Variants in METTL24 observed in about 807,000 individuals in gnomAD.
The protein encoded by METTL24 is methyltransferase like 24.
A neutral mutation model predicts 32.7 loss-of-function variants in METTL24; 29 were observed. The observed-to-expected ratio is 0.89, with a 90% confidence interval of 0.66 to 1.21. METTL24 has a LOEUF of 1.21. Ranked by LOEUF, METTL24 falls within the 50% of genes most tolerant of loss-of-function variation. The pLI, the probability that METTL24 is intolerant of heterozygous loss-of-function variation, is 0.00. For synonymous variants in METTL24, 163 were observed against 179.5 expected (o/e 0.91, Z 0.73); for missense variants, 439 against 468.1 (o/e 0.94, Z 0.57).
intron 4 of METTL24, among the ~76,000 whole-genome samples, chr6:110,249,986 G>A (rs1167006792): frequency 2.0e-5 from 3 of 151,882 alleles, no homozygotes; most frequent in East Asian, 3.9e-4. Context: ...GAAGAAATGA[G>A]AATTTTCATT....
chr6:110,351,134 G>C (rs956816624), intron 1 of METTL24, among the ~76,000 whole-genome samples: 1 of 152,098 alleles, frequency 6.6e-6, no homozygotes, highest in Non-Finnish European at 1.5e-5. Context: ...TTGGGAGGTC[G>C]AGGCTGCAGT....
At position 110,357,998 on chromosome 6, in the gene METTL24, G is replaced by A. The variant is rs555527864; in HGVS notation, c.275C>T (p.Pro92Leu). 7.7e-6 allele frequency: 9 copies of A among 1,171,354 alleles called. No homozygotes were observed. Among genetic ancestry groups the A allele is most frequent in the Middle Eastern group, 6.3e-4 (2 of 3,150 alleles). The allele number at this position is 1,171,354 out of a possible 1,614,324, so 72.6% of individuals were successfully genotyped here. Residue 92 changes from proline to leucine, a missense_variant, in exon 1 of 5, where the codon CCG (proline) becomes CTG (leucine). By Grantham distance (98) the Pro-to-Leu change is moderately conservative. Coordinates refer to ENST00000338882, the MANE Select transcript of METTL24 (RefSeq NM_001123364.3). ...APPGGGGSGT[P>L]EPGCCAPRGR... is the part of the protein sequence containing the mutation. The stretch of plus-strand genomic sequence containing the variant: ...GCGCGGGGCACAGCAGCCAGGCTCC[G>A]GCGTCCCGCTCCCGCCGCCCCCCGG...
chr6:110,319,951 T>C (rs1337272800), intron 2 of METTL24, among the ~76,000 whole-genome samples: 1 of 151,792 alleles, frequency 6.6e-6, no homozygotes, highest in Non-Finnish European at 1.5e-5. Flanking sequence ...TCCATCTGTC[T>C]CCCCCCTGTT....
intron 2 of METTL24, among the ~76,000 whole-genome samples, chr6:110,318,877 T>C (rs998745899): frequency 6.6e-6 from 1 of 152,202 alleles, no homozygotes; most frequent in African/African-American, 2.4e-5. Context: ...GTAAGCAAAA[T>C]AAGTGAGGGC....
chr6:110,342,911 C>A (rs1372933095), intron 1 of METTL24, among the ~76,000 whole-genome samples: 1 of 152,198 alleles, frequency 6.6e-6, no homozygotes, highest in East Asian at 1.9e-4. Context: ...GAGTAAGTTT[C>A]CCCTGTATGG....
intron 1 of METTL24, among the ~76,000 whole-genome samples, chr6:110,348,990 G>A (rs1429558190): frequency 6.6e-6 from 1 of 152,196 alleles, no homozygotes; most frequent in Non-Finnish European, 1.5e-5. Context: ...CTAAATTCAG[G>A]TGTCTGCTTC....
At chr6:110,261,717 T>G (rs555632809) in intron 4 of METTL24, among the ~76,000 whole-genome samples, 2 of 152,230 alleles carry the variant, frequency 1.3e-5, no homozygotes, top group African/African-American at 4.8e-5. Context: ...TAGTTGGAAG[T>G]AAAGCACTCC....
chr6:110,358,265 C>T lies in METTL24; in HGVS notation c.8G>A (p.Arg3Gln), dbSNP rs1772743283. Residue 3 changes from arginine to glutamine, a missense_variant, in exon 1 of 5, where the codon CGG (arginine) becomes CAG (glutamine). Coordinates refer to ENST00000338882, the MANE Select transcript of METTL24 (RefSeq NM_001123364.3). MARERPPGRGCGV... is the reference protein window; with the variant it reads MAQERPPGRGCGV... The stretch of plus-strand genomic sequence containing the variant: ...GCAGCCCCTCCCGGGCGGCCTCTCC[C>T]GGGCCATGGCGCTACACTCGGGGTC... 6 of 1,473,426 alleles carry T rather than the reference C, an allele frequency of 4.1e-6. No homozygotes were observed. The African/African-American group carries it at 4.4e-5, about 11-fold the overall frequency. 91.3% of individuals were successfully genotyped at this position (1,473,426 alleles called of 1,614,324 possible).
intron 4 of METTL24, among the ~76,000 whole-genome samples, chr6:110,270,987 G>T (rs774464620): frequency 6.6e-6 from 1 of 151,370 alleles, no homozygotes; most frequent in African/African-American, 2.4e-5. Context: ...ATATGCGTGC[G>T]CCACTATGCC....
At chr6:110,332,910 A>G (rs1271268764) in intron 1 of METTL24, among the ~76,000 whole-genome samples, 2 of 139,826 alleles carry the variant, frequency 1.4e-5, no homozygotes, top group African/African-American at 2.7e-5. Context: ...ACATTTATCG[A>G]AAAAAAAAAA....
At position 110,244,857 on chromosome 6, in the gene METTL24, G is replaced by A. The variant is rs191491574; in HGVS notation, c.*1089C>T. ...ATATTACTCATGGACTTATAATGAA[G>A]TAATCATTAAAGGCCTTACTTCAGT... On this transcript the variant is annotated 3_prime_UTR_variant, in exon 5 of 5. Coordinates refer to ENST00000338882, the MANE Select transcript of METTL24 (RefSeq NM_001123364.3). Among the ~76,000 whole-genome samples the A allele has an allele frequency of 3.3e-5, 5 of 152,280 alleles. No homozygotes were observed. The East Asian group carries it at 9.6e-4, about 29-fold the overall frequency.
chr6:110,268,109 T>G lies in METTL24; in HGVS notation c.787-21849A>C, dbSNP rs535038370. Among the ~76,000 whole-genome samples, 184 of 152,266 alleles carry G rather than the reference T, an allele frequency of 1.2e-3. 1 individual carries two copies. Among genetic ancestry groups the G allele is most frequent in the Non-Finnish European group, 1.6e-3 (106 of 68,026 alleles). On this transcript the variant is annotated intron_variant, in intron 4 of 4. Coordinates refer to ENST00000338882, the MANE Select transcript of METTL24 (RefSeq NM_001123364.3). ...GCTAGTCAGCAGGCTAAACACTACA[T>G]GGAATGCCTCAATCAATCTTCAAAC... is the stretch of plus-strand genomic sequence containing the variant.
intron 2 of METTL24, among the ~76,000 whole-genome samples, chr6:110,317,108 G>A (rs1771834743): frequency 6.6e-6 from 1 of 152,104 alleles, no homozygotes. Flanking sequence ...TCTTCTGGTA[G>A]GATTTGGACA....
chr6:110,292,009 TTC>T (rs1274826870), intron 4 of METTL24, among the ~76,000 whole-genome samples: 2 of 152,246 alleles, frequency 1.3e-5, no homozygotes, highest in Non-Finnish European at 2.9e-5. Flanking sequence ...GCATTGTAAA[TTC>T]TCTTTCTTAA....
intron 4 of METTL24, among the ~76,000 whole-genome samples, chr6:110,252,648 T>A (rs1026713416): frequency 1.3e-5 from 2 of 152,218 alleles, no homozygotes; most frequent in Non-Finnish European, 2.9e-5. Context: ...CTGTAGTGTC[T>A]CCTCTATAGT....
chr6:110,264,449 G>A (rs1213823387), intron 4 of METTL24, among the ~76,000 whole-genome samples: 2 of 152,034 alleles, frequency 1.3e-5, no homozygotes, highest in East Asian at 1.9e-4. Context: ...TTAGAATGGC[G>A]ATCATTAAAA....
intron 4 of METTL24, among the ~76,000 whole-genome samples, chr6:110,267,049 A>C (rs928775831): frequency 8.6e-5 from 13 of 151,866 alleles, no homozygotes; most frequent in African/African-American, 2.9e-4. Flanking sequence ...TTTTTTTTTA[A>C]AAAAAAATAC....
rs1485708970 is a variant in METTL24, at chr6:110,302,562, TACACACATACAC to T, written c.558-3424_558-3413del. ...ATATACACACACATATGTGTATATA[TACACACATACAC>T]ACACATATGTGTATATATACACATA... On this transcript the variant is annotated intron_variant, in intron 3 of 4. Transcript: ENST00000338882. Among the ~76,000 whole-genome samples the T allele has an allele frequency of 2.5e-3, 234 of 93,126 alleles. 16 individuals carry two copies. Among genetic ancestry groups the T allele is most frequent in the East Asian group, 6.1e-3 (17 of 2,772 alleles). The allele number at this position is 93,126 out of a possible 152,430, so 61.1% of individuals were successfully genotyped here.
intron 4 of METTL24, among the ~76,000 whole-genome samples, chr6:110,287,265 GTTC>G (rs1771239797): frequency 6.6e-6 from 1 of 152,206 alleles, no homozygotes; most frequent in Non-Finnish European, 1.5e-5. Flanking sequence ...GAGTTCGGAA[GTTC>G]TTGACTCATT....
Sources: allele counts gnomAD v4.1 joint callset (sites outside exome capture counted in the v4.1 genomes callset), GRCh38; gene constraint gnomAD v4.1.1; transcripts MANE v1.5; gene names NCBI Gene and HGNC (gene_info 2026-07-23, HGNC 2026-07-21).